Variants in ART3 observed in about 807,000 individuals in gnomAD.
The protein encoded by ART3 is ADP-ribosyltransferase 3 (inactive).
In ART3, 49 loss-of-function variants were observed where a neutral mutation model predicts 48.5. The ratio of observed to expected loss-of-function variants is 1.01; its 90% CI spans 0.80 to 1.28. ART3 has a LOEUF of 1.28. Ranked by LOEUF, ART3 falls within the 50% of genes most tolerant of loss-of-function variation. ART3 has a pLI of 0.00. For synonymous variants in ART3, 145 were observed against 157.2 expected (o/e 0.92, Z 0.58); for missense variants, 438 against 454.3 (o/e 0.96, Z 0.33).
At chr4:76,107,558 T>C (rs535873819) in intron 10 of ART3, 47 of 389,838 alleles carry the variant, frequency 1.2e-4, no homozygotes, top group African/African-American at 8.4e-4. Context: ...TAAACACATA[T>C]TGATGGGAAA....
intron 1 of ART3, among the ~76,000 whole-genome samples, chr4:76,056,367 C>T (rs1311664477): frequency 6.6e-6 from 1 of 152,068 alleles, no homozygotes; most frequent in Non-Finnish European, 1.5e-5. Flanking sequence ...GGGGTCTTCC[C>T]AAAATCTGAT....
At chr4:76,076,767 T>C (rs1376686818) in intron 2 of ART3, among the ~76,000 whole-genome samples, 2 of 152,244 alleles carry the variant, frequency 1.3e-5, no homozygotes, top group Non-Finnish European at 2.9e-5. Flanking sequence ...GGCAGAACTT[T>C]TATGATTTTA....
At chr4:76,028,864 C>A (rs1239361104) in intron 1 of ART3, among the ~76,000 whole-genome samples, 1 of 152,162 alleles carries the variant, frequency 6.6e-6, no homozygotes, top group African/African-American at 2.4e-5. Context: ...CTCAGAATAG[C>A]TTCTGTTTGG....
At chr4:76,067,070 G>A (rs745427896) in intron 1 of ART3, among the ~76,000 whole-genome samples, 4 of 152,234 alleles carry the variant, frequency 2.6e-5, no homozygotes, top group Non-Finnish European at 5.9e-5. Flanking sequence ...TGCCACAGCT[G>A]GGATGATGGC....
At chr4:76,034,503 T>C (rs553147604) in intron 1 of ART3, 2 of 519,996 alleles carry the variant, frequency 3.8e-6, no homozygotes, top group East Asian at 3.3e-5. Flanking sequence ...TAAACTCCGA[T>C]GGTAACCAGC....
In ART3 at chr4:76,093,243, G is replaced by A. The variant is rs540163396; in HGVS notation, c.782-4401G>A. Among the ~76,000 whole-genome samples the A allele has an allele frequency of 3.9e-4, 59 of 152,154 alleles. 1 individual carries two copies. The highest frequency in any genetic ancestry group is 1.2e-3 in the African/African-American group (51 of 41,504). Reference sequence around the variant, plus strand: ...TTGAGACCAGCCTGGGCAACATAGCGAGACCCTGTCTCTACAAAAAATAAA... The same window carrying A: ...TTGAGACCAGCCTGGGCAACATAGCAAGACCCTGTCTCTACAAAAAATAAA... On this transcript the variant is annotated intron_variant, in intron 3 of 11. Coordinates refer to ENST00000355810, the MANE Select transcript of ART3 (RefSeq NM_001130016.3).
At chr4:76,103,827 GC>G in intron 8 of ART3, 109 bp from the exon 9 acceptor site, 3 of 908,336 alleles carry the variant, frequency 3.3e-6, no homozygotes, top group Non-Finnish European at 3.3e-6. Flanking sequence ...CTTTCCCCCT[GC>G]CTTTTTTTTT....
intron 3 of ART3, among the ~76,000 whole-genome samples, chr4:76,094,708 G>T (rs1051066732): frequency 3.9e-5 from 6 of 152,082 alleles, no homozygotes; most frequent in African/African-American, 1.4e-4. Context: ...GACCTTGTGG[G>T]TTCTTTCTCT....
chr4:76,026,337 A>G (rs375986857), intron 1 of ART3, among the ~76,000 whole-genome samples: 4 of 152,176 alleles, frequency 2.6e-5, no homozygotes, highest in African/African-American at 9.7e-5. Context: ...CCATGCTAAA[A>G]TGTATGCCCC....
chr4:76,103,394 G>A (rs1449938468), intron 8 of ART3, among the ~76,000 whole-genome samples: 1 of 152,086 alleles, frequency 6.6e-6, no homozygotes, highest in Non-Finnish European at 1.5e-5. Flanking sequence ...ACTGAGCCTG[G>A]AGAGTTTGAG....
intron 1 of ART3, among the ~76,000 whole-genome samples, chr4:76,051,578 C>T (rs28642977): frequency 0.59 from 89,013 of 151,926 alleles, 26,923 homozygotes; most frequent in East Asian, 0.94. Context: ...CCTGCTCTAT[C>T]GCCCAGGCTG....
At chr4:76,029,243 C>T (rs1002303591) in intron 1 of ART3, among the ~76,000 whole-genome samples, 1 of 152,138 alleles carries the variant, frequency 6.6e-6, no homozygotes, top group Non-Finnish European at 1.5e-5. Context: ...TCTTCAACTT[C>T]TTATTGACAG....
intron 1 of ART3, among the ~76,000 whole-genome samples, chr4:76,043,564 T>G (rs1050787847): frequency 1.3e-5 from 2 of 152,106 alleles, no homozygotes; most frequent in Non-Finnish European, 2.9e-5. Flanking sequence ...CCGGCAGGGC[T>G]GGCCAGCTGT....
chr4:76,015,795 A>T (rs1732199927), intron 1 of ART3, among the ~76,000 whole-genome samples: 1 of 152,088 alleles, frequency 6.6e-6, no homozygotes, highest in African/African-American at 2.4e-5. Flanking sequence ...TGCCCAGCTA[A>T]TTTTTGTATT....
chr4:76,085,940 C>T (rs1009613261), intron 3 of ART3, among the ~76,000 whole-genome samples: 1 of 152,006 alleles, frequency 6.6e-6, no homozygotes, highest in Admixed American at 6.5e-5. Flanking sequence ...GGCGTGGTGC[C>T]ACGTGCCTGT....
chr4:76,036,292 A>C (rs1734398154), intron 1 of ART3: 1 of 352,592 alleles, frequency 2.8e-6, no homozygotes, highest in East Asian at 4.6e-5. Context: ...CAGCCTTCTT[A>C]AGGTAGCTTT....
rs1372306259 is a variant in ART3 at position 76,112,598 on chromosome 4, AT to A, written c.*85del. ...CACAGGAGATCAAAAGGAATGATGT[AT>A]TTTTTACGTGTTGGCCAAAGTCACT... On this transcript the variant is annotated 3_prime_UTR_variant, in exon 12 of 12. Transcript: ENST00000355810. The A allele has an allele frequency of 4.5e-5, 65 of 1,433,920 alleles. No homozygotes were observed. The highest frequency in any genetic ancestry group is 5.9e-5 in the Non-Finnish European group (64 of 1,075,824). 88.8% of individuals were successfully genotyped at this position (1,433,920 alleles called of 1,614,324 possible).
Position 76,081,870 on chromosome 4 carries a change from A to C in ART3, c.116A>C (p.Glu39Ala), listed in dbSNP as rs372306402. 2 of 1,614,204 alleles carry C rather than the reference A, an allele frequency of 1.2e-6. No individual in the cohort carries two copies. The highest frequency in any genetic ancestry group is 2.2e-5 in the East Asian group (1 of 44,890). Residue 39 changes from glutamate to alanine, a missense_variant, in exon 3 of 12, where the codon GAA becomes GCA. Physicochemically the swap from Glu to Ala is moderately radical, Grantham distance 107. This residue lies in a region of ART3 where 206 missense variants were observed against 205.3 expected (regional missense o/e 1.00). Coordinates refer to ENST00000355810, the MANE Select transcript of ART3 (RefSeq NM_001130016.3). ...ATGGCAGATAATGCATTTGATGATG[A>C]ATACCTGAAATGTACGGACAGGATG... ...LDMADNAFDD[E>A]YLKCTDRMEI...
At chr4:76,097,166 T>C (rs1453656271) in intron 3 of ART3, among the ~76,000 whole-genome samples, 1 of 152,188 alleles carries the variant, frequency 6.6e-6, no homozygotes, top group Admixed American at 6.5e-5. Flanking sequence ...TATGGCTGTT[T>C]GGTGGCTGTA....
Sources: gnomAD v4.1 joint callset for allele counts (sites outside exome capture counted in the v4.1 genomes callset) on GRCh38, gnomAD v4.1.1 for gene constraint, gnomAD v4.1.1 regional missense constraint, MANE v1.5 for transcripts, NCBI Gene and HGNC (gene_info 2026-07-23, HGNC 2026-07-21) for gene names.